DLG2: variants seen among roughly 807,000 people sequenced by gnomAD.
The protein encoded by DLG2 is discs large MAGUK scaffold protein 2.
A neutral mutation model predicts 132.5 loss-of-function variants in DLG2; 45 were observed. That is an observed-to-expected ratio of 0.34 (90% confidence interval 0.27 to 0.44). DLG2 has a LOEUF of 0.44. Ranked by LOEUF, DLG2 falls within the 20% of genes least tolerant of loss-of-function variation. DLG2 has a pLI of 1.00. For missense variants in DLG2, 1,045 were observed against 1,196.9 expected, an observed-to-expected ratio of 0.87 and a Z score of 1.87; for synonymous variants, 424 against 419.6, an observed-to-expected ratio of 1.01 and a Z score of -0.13.
intron 7 of DLG2, among the ~76,000 whole-genome samples, chr11:84,290,583 A>C (rs2097978334): frequency 6.6e-6 from 1 of 152,198 alleles, no homozygotes; most frequent in Admixed American, 6.6e-5. Context: ...ACCAAGTACC[A>C]GGTACAGCAC....
At chr11:85,239,567 A>G (rs757205063) in intron 4 of DLG2, among the ~76,000 whole-genome samples, 4 of 152,042 alleles carry the variant, frequency 2.6e-5, no homozygotes, top group Non-Finnish European at 5.9e-5. Flanking sequence ...AAATGTGCAT[A>G]TAAGTGGACT....
intron 3 of DLG2, among the ~76,000 whole-genome samples, chr11:85,419,843 C>T (rs1435519169): frequency 6.6e-6 from 1 of 152,032 alleles, no homozygotes; most frequent in Admixed American, 6.6e-5. Flanking sequence ...AACCTTTTTT[C>T]AAAGTTCTTA....
chr11:84,589,704 T>A (rs533159702), intron 6 of DLG2, among the ~76,000 whole-genome samples: 53 of 152,332 alleles, frequency 3.5e-4, no homozygotes, highest in Middle Eastern at 3.4e-3. Context: ...CCTGTCCCTC[T>A]GTTTGCCAGA....
At chr11:85,463,453 A>G (rs191965055) in intron 3 of DLG2, among the ~76,000 whole-genome samples, 2 of 152,360 alleles carry the variant, frequency 1.3e-5, no homozygotes, top group South Asian at 2.1e-4. Context: ...AAAGGAAGAT[A>G]ATAGAAATAA....
intron 15 of DLG2, among the ~76,000 whole-genome samples, chr11:83,911,940 A>G (rs781402346): frequency 1.3e-5 from 2 of 152,022 alleles, no homozygotes; most frequent in Non-Finnish European, 2.9e-5. Context: ...ATAACTTGTT[A>G]ATTCCTACCC....
chr11:84,718,572 C>T (rs2061468051), intron 6 of DLG2, among the ~76,000 whole-genome samples: 1 of 152,180 alleles, frequency 6.6e-6, no homozygotes, highest in Non-Finnish European at 1.5e-5. Context: ...ACACCAATGG[C>T]TTATCTTATT....
At chr11:83,740,352 T>C (rs897470890) in intron 18 of DLG2, among the ~76,000 whole-genome samples, 9 of 152,162 alleles carry the variant, frequency 5.9e-5, no homozygotes, top group African/African-American at 1.7e-4. Context: ...CTATATCCAA[T>C]GACATGGATG....
intron 6 of DLG2, among the ~76,000 whole-genome samples, chr11:84,991,111 G>C (rs1404184580): frequency 6.6e-6 from 1 of 151,942 alleles, no homozygotes; most frequent in Non-Finnish European, 1.5e-5. Context: ...ATACCAAAAG[G>C]TTACATGCAT....
intron 3 of DLG2, among the ~76,000 whole-genome samples, chr11:85,316,339 T>C (rs535393084): frequency 1.3e-5 from 2 of 152,106 alleles, no homozygotes; most frequent in East Asian, 3.9e-4. Flanking sequence ...TAAACACCGA[T>C]TTAAGCTATC....
At chr11:83,782,740 G>C (rs1427416755) in intron 18 of DLG2, among the ~76,000 whole-genome samples, 1 of 152,068 alleles carries the variant, frequency 6.6e-6, no homozygotes. Context: ...GGGGTGAGTG[G>C]GGTGAGTTGG....
At chr11:85,243,049 A>C (rs2075966687) in intron 4 of DLG2, among the ~76,000 whole-genome samples, 1 of 151,962 alleles carries the variant, frequency 6.6e-6, no homozygotes, top group Non-Finnish European at 1.5e-5. Flanking sequence ...CAAAAGTAGA[A>C]TTCAAACTGT....
intron 6 of DLG2, among the ~76,000 whole-genome samples, chr11:84,956,649 G>A (rs747510266): frequency 1.3e-4 from 20 of 151,978 alleles, no homozygotes; most frequent in Non-Finnish European, 2.2e-4. Context: ...CCTCTGCTCC[G>A]GAAGGCACTA....
chr11:83,992,985 G>C (rs951715244), intron 11 of DLG2, among the ~76,000 whole-genome samples: 3 of 152,114 alleles, frequency 2.0e-5, no homozygotes, highest in Non-Finnish European at 2.9e-5. Flanking sequence ...GCAAAGAGCT[G>C]TGTTGATTGT....
At chr11:84,354,906 C>A (rs1303514203) in intron 7 of DLG2, among the ~76,000 whole-genome samples, 2 of 152,288 alleles carry the variant, frequency 1.3e-5, no homozygotes, top group South Asian at 4.1e-4. Flanking sequence ...AGTTTCCCAA[C>A]ATCAGAGGGT....
Position 84,401,133 on chromosome 11 carries a change from C to T in DLG2, c.519+133437G>A, listed in dbSNP as rs2154446762. On this transcript the variant is annotated intron_variant, in intron 7 of 27. Coordinates refer to ENST00000376104, the MANE Select transcript of DLG2 (RefSeq NM_001142699.3). ...ACTCTGGAGAGATTAAACAGCTTTCCTAGTGTCAGACAGCAGGCAAGTTAT... is the reference window on the plus strand; with the variant it reads ...ACTCTGGAGAGATTAAACAGCTTTCTTAGTGTCAGACAGCAGGCAAGTTAT... 2.0e-5 allele frequency among the ~76,000 whole-genome samples: 3 copies of T among 152,156 alleles called. 1 individual carries two copies. The South Asian group carries it at 6.2e-4, about 32-fold the overall frequency.
chr11:85,387,191 T>C (rs1213395045), intron 3 of DLG2, among the ~76,000 whole-genome samples: 1 of 152,200 alleles, frequency 6.6e-6, no homozygotes, highest in Non-Finnish European at 1.5e-5. Flanking sequence ...ATATCCTTTC[T>C]TAATGAAATA....
intron 6 of DLG2, among the ~76,000 whole-genome samples, chr11:85,049,602 G>A (rs900699183): frequency 2.6e-5 from 4 of 151,988 alleles, no homozygotes; most frequent in African/African-American, 9.7e-5. Context: ...AGCTGAAATT[G>A]CTCAAAATTA....
Position 85,134,363 on chromosome 11 carries a change from A to G in DLG2, c.282+20193T>C, listed in dbSNP as rs1337114618. Among the ~76,000 whole-genome samples, 9 of 149,968 alleles carry G rather than the reference A, an allele frequency of 6.0e-5. No individual in the cohort carries two copies. In the South Asian group the frequency reaches 1.9e-3, roughly 32 times the overall value. On this transcript the variant is annotated intron_variant, in intron 5 of 27. Transcript: ENST00000376104. Reference sequence around the variant, plus strand: ...GCTAAAACGGTGAAACCCCGTCTCTACTAAAAATACAAAAAATTAGCCGGG... The same window carrying G: ...GCTAAAACGGTGAAACCCCGTCTCTGCTAAAAATACAAAAAATTAGCCGGG...
chr11:83,484,067 G>T, intron 22 of DLG2, 62 bp downstream of exon 22: 1 of 1,371,916 alleles, frequency 7.3e-7, no homozygotes, highest in South Asian at 1.2e-5. Context: ...CATCCTGCGT[G>T]TTGCCTGTGA....
Sources: allele counts gnomAD v4.1 joint callset (sites outside exome capture counted in the v4.1 genomes callset), GRCh38; gene constraint gnomAD v4.1.1; transcripts MANE v1.5; gene names NCBI Gene and HGNC (gene_info 2026-07-23, HGNC 2026-07-21).